BCAS3: variants seen among roughly 807,000 people sequenced by gnomAD.
BCAS3 encodes BCAS3 microtubule associated cell migration factor, also known as BCAS4/BCAS3 fusion.
BCAS3 carries 53 observed loss-of-function variants against 116.1 expected under a neutral mutation model. The ratio of observed to expected loss-of-function variants is 0.46; its 90% confidence interval spans 0.37 to 0.57. The LOEUF is 0.57. Ranked by LOEUF, BCAS3 falls within the 20% of genes least tolerant of loss-of-function variation. The pLI, the probability that BCAS3 is intolerant of heterozygous loss-of-function variation, is 0.00. For synonymous variants in BCAS3, 391 were observed against 408.2 expected, an observed-to-expected ratio of 0.96 and a Z score of 0.51; for missense variants, 917 against 1,165.4, an observed-to-expected ratio of 0.79 and a Z score of 3.10.
At chr17:60,766,720 T>C (rs1384356841) in intron 6 of BCAS3, among the ~76,000 whole-genome samples, 1 of 152,200 alleles carries the variant, frequency 6.6e-6, no homozygotes, top group Non-Finnish European at 1.5e-5. Flanking sequence ...GAACCACTGC[T>C]CTCTTGAGAG....
At chr17:61,375,569 CT>C (rs909845597) in intron 23 of BCAS3, among the ~76,000 whole-genome samples, 3,415 of 136,506 alleles carry the variant, frequency 0.025, 37 homozygotes, top group East Asian at 0.07. Context: ...TGTTAATTAT[CT>C]TTTTTTTTTT....
At chr17:61,114,577 A>T (rs1314836240) in intron 22 of BCAS3, among the ~76,000 whole-genome samples, 1 of 151,866 alleles carries the variant, frequency 6.6e-6, no homozygotes, top group African/African-American at 2.4e-5. Flanking sequence ...CCACTGCTCG[A>T]GGAAATAAAA....
intron 22 of BCAS3, among the ~76,000 whole-genome samples, chr17:61,153,904 A>G (rs192409645): frequency 2.2e-4 from 34 of 152,292 alleles, no homozygotes; most frequent in African/African-American, 8.2e-4. Context: ...CCAACCAACA[A>G]CCACACACAA....
chr17:61,285,259 T>TGTGTGTGTG lies in BCAS3; in HGVS notation c.2426-83068_2426-83067insGTGTGTGTG, dbSNP rs1555807771. On this transcript the variant is annotated intron_variant, in intron 22 of 23. Coordinates refer to ENST00000407086, the MANE Select transcript of BCAS3 (RefSeq NM_017679.5). This position sits in a 1 kb window ranked among gnomAD's most constrained non-coding sequence, Gnocchi z 5.4. ...TGTGTGTGTGTGTGTGTGTGTGTGT[T>TGTGTGTGTG]TCTTGCTAAAATGCAGCAAAGGAAG... 0.01 allele frequency among the ~76,000 whole-genome samples: 1,352 copies of TGTGTGTGTG among 129,074 alleles called. 22 individuals are homozygous for TGTGTGTGTG. Among genetic ancestry groups the TGTGTGTGTG allele is most frequent in the African/African-American group, 0.044 (1,266 of 28,842 alleles). 84.7% of individuals were successfully genotyped at this position (129,074 alleles called of 152,430 possible).
chr17:61,041,818 GCT>G lies in BCAS3; in HGVS notation c.2029+932_2029+933del, dbSNP rs746817638. ...ACTGTAATCAATAGTTGGCAGTCTTGCTCTCTCATATTATTGTTGAACTCTCT... is the reference window on the plus strand; with the variant it reads ...ACTGTAATCAATAGTTGGCAGTCTTGCTCTCATATTATTGTTGAACTCTCT... On this transcript the variant is annotated intron_variant, in intron 19 of 23. Transcript: ENST00000407086. This position sits in a 1 kb window ranked among gnomAD's most constrained non-coding sequence, Gnocchi z 4.7. Among the ~76,000 whole-genome samples, 12 of 152,062 alleles carry G rather than the reference GCT, an allele frequency of 7.9e-5. No individual in the cohort carries two copies. Among genetic ancestry groups the G allele is most frequent in the Non-Finnish European group, 1.2e-4 (8 of 67,952 alleles).
intron 6 of BCAS3, among the ~76,000 whole-genome samples, chr17:60,791,274 C>T (rs1455765444): frequency 6.6e-6 from 1 of 152,150 alleles, no homozygotes; most frequent in Non-Finnish European, 1.5e-5. Flanking sequence ...GTCACAATCT[C>T]AGTATATTAC....
chr17:60,905,235 C>T (rs1432903756), intron 11 of BCAS3, among the ~76,000 whole-genome samples: 2 of 152,010 alleles, frequency 1.3e-5, no homozygotes, highest in Non-Finnish European at 2.9e-5. Context: ...ATATAGGACA[C>T]AATTCTTCAG....
At chr17:60,801,606 G>A (rs1052878254) in intron 6 of BCAS3, among the ~76,000 whole-genome samples, 2 of 151,994 alleles carry the variant, frequency 1.3e-5, no homozygotes, top group Admixed American at 6.6e-5. Flanking sequence ...TGTGATGTTC[G>A]CTGAAAGATT....
chr17:61,242,661 AT>A, intron 22 of BCAS3, among the ~76,000 whole-genome samples: 1 of 152,196 alleles, frequency 6.6e-6, no homozygotes, highest in Non-Finnish European at 1.5e-5. Flanking sequence ...CTAAGGGAAA[AT>A]ATATGTCCAG....
intron 7 of BCAS3, among the ~76,000 whole-genome samples, chr17:60,829,796 A>T (rs941791747): frequency 7.9e-5 from 12 of 152,060 alleles, no homozygotes; most frequent in Non-Finnish European, 1.2e-4. Flanking sequence ...ATATGAAATG[A>T]TATAATTAGA....
chr17:60,930,294 G>T (rs1440904421), intron 13 of BCAS3, among the ~76,000 whole-genome samples: 3 of 152,106 alleles, frequency 2.0e-5, no homozygotes, highest in African/African-American at 7.2e-5. Flanking sequence ...TTGCTTGTTA[G>T]AATACTTTTT....
intron 22 of BCAS3, among the ~76,000 whole-genome samples, chr17:61,351,234 G>A (rs1336933918): frequency 1.3e-5 from 2 of 152,188 alleles, no homozygotes; most frequent in East Asian, 1.9e-4. Flanking sequence ...AGTATCTCGT[G>A]CAATATTAAA....
chr17:60,845,998 G>A (rs2052494837), intron 7 of BCAS3, among the ~76,000 whole-genome samples: 2 of 150,972 alleles, frequency 1.3e-5, no homozygotes, highest in African/African-American at 4.9e-5. Context: ...GTGACATCTT[G>A]GCTCACTGCA....
intron 5 of BCAS3, among the ~76,000 whole-genome samples, chr17:60,733,731 C>A (rs1009706622): frequency 1.3e-5 from 2 of 152,014 alleles, no homozygotes; most frequent in Admixed American, 6.6e-5. Flanking sequence ...CCCGTGGTCC[C>A]AGCTACTTGG....
At chr17:61,177,334 C>T (rs550648896) in intron 22 of BCAS3, among the ~76,000 whole-genome samples, 63 of 152,092 alleles carry the variant, frequency 4.1e-4, no homozygotes, top group Admixed American at 2.4e-3. Context: ...AATGGAGAAA[C>T]GAATTGGTAT....
chr17:60,910,761 A>G, intron 12 of BCAS3, 59 bp downstream of exon 12: 1 of 1,422,346 alleles, frequency 7.0e-7, no homozygotes, highest in South Asian at 1.4e-5. Flanking sequence ...GGCTAAGATC[A>G]AGATTAGTCA....
rs1440206476 is a variant in BCAS3, at chr17:60,990,309, A to AAC, written c.1486+75_1486+76dup. 12 of 1,492,582 alleles carry AAC rather than the reference A, an allele frequency of 8.0e-6. No individual in the cohort carries two copies. In the East Asian group the frequency reaches 1.8e-4, roughly 23 times the overall value. The allele number at this position is 1,492,582 out of a possible 1,614,324, so 92.5% of individuals were successfully genotyped here. On this transcript the variant is annotated intron_variant, in intron 15 of 23. Coordinates refer to ENST00000407086, the MANE Select transcript of BCAS3 (RefSeq NM_017679.5). This position sits in a 1 kb window ranked among gnomAD's most constrained non-coding sequence, Gnocchi z 5.1. ...CCTTATTTTTACAGATCTGGGATAA[A>AAC]ACTAAACTTGTTATAGTCTGTTCAT...
In BCAS3 at chr17:61,217,415, C is replaced by A. The variant is rs2081864438; in HGVS notation, c.2425+132851C>A. Reference sequence around the variant, plus strand: ...CCAGCTGGATGATTTCCAGTCCTTACAATGGTTTGGAAGCATTTGGTAGGC... The same window carrying A: ...CCAGCTGGATGATTTCCAGTCCTTAAAATGGTTTGGAAGCATTTGGTAGGC... On this transcript the variant is annotated intron_variant, in intron 22 of 23. Coordinates refer to ENST00000407086, the MANE Select transcript of BCAS3 (RefSeq NM_017679.5). This position sits in a 1 kb window ranked among gnomAD's most constrained non-coding sequence, Gnocchi z 5.2. Among the ~76,000 whole-genome samples, 2 of 152,202 alleles carry A rather than the reference C, an allele frequency of 1.3e-5. No homozygotes were observed. Among genetic ancestry groups the A allele is most frequent in the Admixed American group, 1.3e-4 (2 of 15,286 alleles).
At chr17:60,984,486 A>G (rs942390937) in intron 14 of BCAS3, among the ~76,000 whole-genome samples, 4 of 152,030 alleles carry the variant, frequency 2.6e-5, no homozygotes, top group African/African-American at 9.6e-5. Context: ...CTTTTTTTTA[A>G]TTTTTAATTT....
Sources: gnomAD v4.1 joint callset for allele counts (sites outside exome capture counted in the v4.1 genomes callset) on GRCh38, gnomAD v4.1.1 for gene constraint, Gnocchi (gnomAD v3.1) non-coding constraint, MANE v1.5 for transcripts, NCBI Gene and HGNC (gene_info 2026-07-23, HGNC 2026-07-21) for gene names.